ATP2B4: variants seen among roughly 807,000 people sequenced by gnomAD.
ATP2B4 encodes ATPase plasma membrane Ca2+ transporting 4, also known as plasma membrane calcium-transporting ATPase 4.
In ATP2B4, 39 loss-of-function variants were observed where a neutral mutation model predicts 110.3. The observed-to-expected ratio is 0.35, with a 90% CI of 0.27 to 0.46. The LOEUF is 0.46. ATP2B4 is among the 20% of genes least tolerant of loss of function. The probability of loss-of-function intolerance (pLI) is 1.00; values close to 1 mark genes in which losing one functional copy is unlikely to be tolerated. For synonymous variants in ATP2B4, 538 were observed against 571.7 expected, an observed-to-expected ratio of 0.94 and a Z score of 0.84; for missense variants, 1,135 against 1,530.9, an observed-to-expected ratio of 0.74 and a Z score of 4.32.
chr1:203,718,124 A>T (rs1354776818), intron 15 of ATP2B4, among the ~76,000 whole-genome samples: 2 of 152,156 alleles, frequency 1.3e-5, no homozygotes, highest in African/African-American at 4.8e-5. Flanking sequence ...GTGTTTGCTC[A>T]CAAAGAGAAA....
At chr1:203,673,456 G>A (rs548432412) in intron 1 of ATP2B4, among the ~76,000 whole-genome samples, 1 of 152,366 alleles carries the variant, frequency 6.6e-6, no homozygotes, top group Non-Finnish European at 1.5e-5. Context: ...CAGAGGGGTG[G>A]CAGGTTATTA....
At chr1:203,628,640 A>G (rs1306479275) in intron 1 of ATP2B4, among the ~76,000 whole-genome samples, 1 of 152,020 alleles carries the variant, frequency 6.6e-6, no homozygotes, top group Non-Finnish European at 1.5e-5. Flanking sequence ...CTGCTCCTTA[A>G]GCCCCTCCCC....
intron 1 of ATP2B4, among the ~76,000 whole-genome samples, chr1:203,659,114 T>C (rs1210564032): frequency 6.6e-6 from 1 of 152,204 alleles, no homozygotes; most frequent in East Asian, 1.9e-4. Context: ...GTCTTTATGT[T>C]AAGATTTCTA....
intron 20 of ATP2B4, among the ~76,000 whole-genome samples, chr1:203,729,146 C>G (rs1666615404): frequency 6.6e-6 from 1 of 151,826 alleles, no homozygotes; most frequent in African/African-American, 2.4e-5. Flanking sequence ...AAGAAGTTCC[C>G]CAGTCAATCC....
chr1:203,709,472 A>G lies in ATP2B4; in HGVS notation c.1729A>G (p.Thr577Ala). 6.2e-7 allele frequency: 1 copy of G among 1,614,144 alleles called. No individual in the cohort carries two copies. ...TFNSVRKSMS[T>A]VIRNPNGGFR... ...TAACTCAGTGCGCAAGTCAATGAGC[A>G]CCGTCATCAGGAATCCCAACGGTGG... The change falls in exon 11 of 21, where the codon ACC becomes GCC. Residue 577 changes from threonine (T) to alanine (A), a missense_variant. This residue lies in a region of ATP2B4 where 368 missense variants were observed against 455.9 expected (regional missense o/e 0.81). Transcript: ENST00000357681.
chr1:203,706,672 A>G (rs1050934085), intron 8 of ATP2B4, among the ~76,000 whole-genome samples: 1 of 152,192 alleles, frequency 6.6e-6, no homozygotes, highest in Admixed American at 6.5e-5. Flanking sequence ...GGATCATAGA[A>G]AGCTGTTTCA....
At chr1:203,661,458 A>T (rs2102332547) in intron 1 of ATP2B4, among the ~76,000 whole-genome samples, 1 of 152,288 alleles carries the variant, frequency 6.6e-6, no homozygotes, top group South Asian at 2.1e-4. Flanking sequence ...AAGCCTGGAG[A>T]CTTAGTTCCC....
At chr1:203,678,284 CTAAAAG>C (rs1664888083) in intron 1 of ATP2B4, among the ~76,000 whole-genome samples, 1 of 151,710 alleles carries the variant, frequency 6.6e-6, no homozygotes. Context: ...CCTGGGAAAG[CTAAAAG>C]TAAAAGATTC....
intron 2 of ATP2B4, among the ~76,000 whole-genome samples, chr1:203,692,007 G>T (rs1055053453): frequency 1.3e-5 from 2 of 151,642 alleles, no homozygotes; most frequent in African/African-American, 4.9e-5. Context: ...TCAGCCTCCC[G>T]AGTAGCTGGG....
At chr1:203,698,092 A>G in intron 2 of ATP2B4, 65 bp from the exon 3 acceptor site, 1 of 1,492,320 alleles carries the variant, frequency 6.7e-7, no homozygotes, top group Non-Finnish European at 9.3e-7. Flanking sequence ...CTGCCACTTC[A>G]AAACTGCCTT....
chr1:203,666,501 G>A (rs112766606), intron 1 of ATP2B4, among the ~76,000 whole-genome samples: 17 of 152,136 alleles, frequency 1.1e-4, no homozygotes, highest in African/African-American at 4.1e-4. Context: ...GAGGGCCTTC[G>A]CTTTCCCAAA....
rs1013001648 is a variant in ATP2B4 at position 203,683,161 on chromosome 1, A to G, written c.-45A>G. 3.1e-6 allele frequency: 5 copies of G among 1,587,968 alleles called. No individual in the cohort carries two copies. The African/African-American group carries it at 6.7e-5, about 21-fold the overall frequency. On this transcript the variant is annotated 5_prime_UTR_variant, in exon 2 of 21. Coordinates refer to ENST00000357681, the MANE Select transcript of ATP2B4 (RefSeq NM_001684.5). The stretch of plus-strand genomic sequence containing the variant: ...GGAGACACTGGTCAGTTGAAGGGAA[A>G]CGCTACATCTTCTCTGGTTGAGGGG...
chr1:203,700,380 T>C, intron 5 of ATP2B4, 49 bp downstream of exon 5: 2 of 1,581,562 alleles, frequency 1.3e-6, no homozygotes, highest in Non-Finnish European at 1.7e-6. Context: ...TGCAAACACC[T>C]AGGCCACAGG....
At chr1:203,659,003 G>GA (rs973378028) in intron 1 of ATP2B4, among the ~76,000 whole-genome samples, 58 of 142,972 alleles carry the variant, frequency 4.1e-4, no homozygotes, top group Middle Eastern at 3.6e-3. Flanking sequence ...GACTGCGTCT[G>GA]AAAAAAAAAA....
chr1:203,709,504 T>C lies in ATP2B4; in HGVS notation c.1761T>C (p.Arg587=). Residue 587 remains arginine (R), a synonymous_variant, in exon 11 of 21, where the codon CGT becomes CGC. Transcript: ENST00000357681. ...TVIRNPNGGF[R]MYSKGASEII... is the part of the protein sequence containing the mutation. ...TCAGGAATCCCAACGGTGGCTTCCGTATGTACAGCAAGGGCGCCTCTGAGA... is the reference window on the plus strand; with the variant it reads ...TCAGGAATCCCAACGGTGGCTTCCGCATGTACAGCAAGGGCGCCTCTGAGA... 1 of 1,614,172 alleles carries C rather than the reference T, an allele frequency of 6.2e-7. No homozygotes were observed. The highest frequency in any genetic ancestry group is 8.5e-7 in the Non-Finnish European group (1 of 1,180,016).
At chr1:203,656,028 C>A (rs1571687332) in intron 1 of ATP2B4, among the ~76,000 whole-genome samples, 1 of 151,594 alleles carries the variant, frequency 6.6e-6, no homozygotes, top group South Asian at 2.1e-4. Flanking sequence ...ACTCAGCCTC[C>A]CGAGTAGCTG....
Position 203,736,465 on chromosome 1 carries a change from T to TC in ATP2B4, c.3310-3074dup, listed in dbSNP as rs200735275. On this transcript the variant is annotated intron_variant, in intron 20 of 20. Coordinates refer to ENST00000357681, the MANE Select transcript of ATP2B4 (RefSeq NM_001684.5). ...CTTGGGCAACAAGAGTGAAACTCCA[T>TC]CCCCCCCAAAAAAAAAAAAGCAGAA... 8.4e-4 allele frequency among the ~76,000 whole-genome samples: 109 copies of TC among 129,376 alleles called. 1 individual carries two copies. The highest frequency in any genetic ancestry group is 3.9e-3 in the Middle Eastern group (1 of 254). 84.9% of individuals were successfully genotyped at this position (129,376 alleles called of 152,430 possible).
chr1:203,656,912 A>C (rs1261459149), intron 1 of ATP2B4: 5 of 597,318 alleles, frequency 8.4e-6, no homozygotes, highest in Non-Finnish European at 1.5e-5. Context: ...CATTACAGTA[A>C]TGGCAGTTTT....
At chr1:203,640,894 C>A (rs1351924842) in intron 1 of ATP2B4, among the ~76,000 whole-genome samples, 1 of 152,194 alleles carries the variant, frequency 6.6e-6, no homozygotes, top group African/African-American at 2.4e-5. Context: ...GAAGTTTCAA[C>A]AGCATTTATT....
Sources: gnomAD v4.1 joint callset for allele counts (sites outside exome capture counted in the v4.1 genomes callset) on GRCh38, gnomAD v4.1.1 for gene constraint, gnomAD v4.1.1 regional missense constraint, MANE v1.5 for transcripts, NCBI Gene and HGNC (gene_info 2026-07-23, HGNC 2026-07-21) for gene names.